Variants in RBPJ observed in about 807,000 individuals in gnomAD.
RBPJ encodes the protein recombination signal binding protein for immunoglobulin kappa J region.
A neutral mutation model predicts 67.8 loss-of-function variants in RBPJ; 9 were observed. The ratio of observed to expected loss-of-function variants is 0.13; its 90% confidence interval spans 0.08 to 0.23. The LOEUF (loss-of-function observed/expected upper bound fraction) is 0.23, where lower values mean the gene tolerates loss of function less well. Among genes scored for constraint, RBPJ ranks in the 10% least tolerant of loss-of-function variants. RBPJ has a pLI of 1.00. For missense variants in RBPJ, 305 were observed against 595.6 expected, an observed-to-expected ratio of 0.51 and a Z score of 5.08; for synonymous variants, 198 against 203.3, an observed-to-expected ratio of 0.97 and a Z score of 0.22.
intron 1 of RBPJ, among the ~76,000 whole-genome samples, chr4:26,339,021 A>G (rs1042211441): frequency 7.9e-5 from 12 of 151,254 alleles, no homozygotes; most frequent in African/African-American, 2.7e-4. Flanking sequence ...GGGTTTTGCC[A>G]TGTTGCCCAG....
the RBPJ span, among the ~76,000 whole-genome samples, chr4:26,153,988 G>T: frequency 1.3e-5 from 2 of 152,122 alleles, no homozygotes; most frequent in South Asian, 4.1e-4. Context: ...TGAGATTTCA[G>T]ATTTTTGGAT....
intron 1 of RBPJ, among the ~76,000 whole-genome samples, chr4:26,338,974 C>T (rs908884916): frequency 2.6e-5 from 4 of 151,894 alleles, no homozygotes; most frequent in Admixed American, 6.6e-5. Flanking sequence ...TGTGCGCCAC[C>T]ATGCCTGGCT....
chr4:26,155,824 G>T, the RBPJ span, among the ~76,000 whole-genome samples: 4 of 152,172 alleles, frequency 2.6e-5, no homozygotes, highest in Non-Finnish European at 5.9e-5. Flanking sequence ...TTCAGTGAAG[G>T]TACAGAGGAG....
rs768095519 is a variant in RBPJ at position 26,387,130 on chromosome 4, T to G, written c.59+739T>G. ...CATCTTCTACCTTGATATTTCCCCT[T>G]AATGGCTCCATGGTTTTTCATAGCT... is the stretch of plus-strand genomic sequence containing the variant. On this transcript the variant is annotated intron_variant, in intron 2 of 10. Coordinates refer to ENST00000355476, the MANE Select transcript of RBPJ (RefSeq NM_015874.6). Among the ~76,000 whole-genome samples the G allele has an allele frequency of 3.3e-5, 5 of 152,316 alleles. No individual in the cohort carries two copies. The South Asian group carries it at 8.3e-4, about 25-fold the overall frequency.
chr4:26,374,191 C>T (rs897614930), intron 1 of RBPJ, among the ~76,000 whole-genome samples: 6 of 152,110 alleles, frequency 3.9e-5, no homozygotes, highest in Admixed American at 1.3e-4. Context: ...CCACTCGCCT[C>T]GGCCTTCCAA....
At chr4:26,275,476 G>A (rs927475636) in intron 1 of RBPJ, among the ~76,000 whole-genome samples, 2 of 152,120 alleles carry the variant, frequency 1.3e-5, no homozygotes, top group African/African-American at 4.8e-5. Flanking sequence ...TACTAACACC[G>A]GAAAAAGAAA....
intron 2 of RBPJ, among the ~76,000 whole-genome samples, chr4:26,405,546 T>C (rs1733314093): frequency 6.6e-6 from 1 of 152,206 alleles, no homozygotes; most frequent in Non-Finnish European, 1.5e-5. Flanking sequence ...GAATTAACAT[T>C]GTATTTTTTT....
At chr4:26,376,719 G>T (rs899655560) in intron 1 of RBPJ, among the ~76,000 whole-genome samples, 3 of 152,148 alleles carry the variant, frequency 2.0e-5, no homozygotes, top group African/African-American at 7.2e-5. Context: ...TTCCATAGTG[G>T]CTGTACCATT....
At chr4:26,221,896 C>T (rs1168754509) in intron 1 of RBPJ, among the ~76,000 whole-genome samples, 2 of 152,162 alleles carry the variant, frequency 1.3e-5, no homozygotes, top group East Asian at 1.9e-4. Context: ...TCCCAATGTG[C>T]GGCCCAGCGC....
the RBPJ span, among the ~76,000 whole-genome samples, chr4:26,142,729 G>C: frequency 1.3e-5 from 2 of 152,142 alleles, no homozygotes; most frequent in East Asian, 3.9e-4. Context: ...AGAAAGAATA[G>C]GCATTCAAGA....
chr4:26,433,866 G>T lies in RBPJ; in HGVS notation c.*2859G>T, dbSNP rs1171545362. 6.6e-6 allele frequency: 1 copy of T among 152,136 alleles called. No individual in the cohort carries two copies. The highest frequency in any genetic ancestry group is 2.4e-5 in the African/African-American group (1 of 41,434). The allele number at this position is 152,136 out of a possible 1,614,324, so 9.4% of individuals were successfully genotyped here. On this transcript the variant is annotated 3_prime_UTR_variant, in exon 11 of 11. Transcript: ENST00000355476. ...AGTGATGGCATTATTAGACATGCTG[G>T]TCATTTACCCTCAGAAAGACTCTCT...
intron 1 of RBPJ, among the ~76,000 whole-genome samples, chr4:26,376,435 G>T (rs762105229): frequency 4.6e-5 from 7 of 152,170 alleles, no homozygotes; most frequent in Non-Finnish European, 8.8e-5. Flanking sequence ...GTTTATTCAT[G>T]TTGTGTTGTA....
chr4:26,199,962 G>C (rs1362403369), intron 1 of RBPJ, among the ~76,000 whole-genome samples: 1 of 152,204 alleles, frequency 6.6e-6, no homozygotes, highest in African/African-American at 2.4e-5. Flanking sequence ...TTGGGGAGCT[G>C]TGCCATGTGA....
At chr4:26,165,866 C>T (rs1329218467) in intron 1 of RBPJ, among the ~76,000 whole-genome samples, 2 of 125,444 alleles carry the variant, frequency 1.6e-5, no homozygotes, top group East Asian at 4.7e-4. Context: ...TCCCTCCCCC[C>T]TCCCCCCACC....
Position 26,217,697 on chromosome 4 carries a change from G to C in RBPJ, c.-167+54083G>C, listed in dbSNP as rs532476397. On this transcript the variant is annotated intron_variant, in intron 1 of 4. Coordinates refer to the RBPJ transcript ENST00000512351. ...AAGTGGGTGGAAATGCTGCCCAGTT[G>C]GAAAAAAACAACAAAAATGCAAACC... Among the ~76,000 whole-genome samples the C allele has an allele frequency of 7.9e-5, 12 of 152,018 alleles. 1 individual carries two copies. The South Asian group carries it at 2.3e-3, about 29-fold the overall frequency.
At chr4:26,252,281 T>A (rs371309807) in intron 1 of RBPJ, among the ~76,000 whole-genome samples, 76 of 151,952 alleles carry the variant, frequency 5.0e-4, no homozygotes, top group African/African-American at 1.8e-3. Context: ...TGCTAGTTTA[T>A]GTTTTATGTG....
upstream of RBPJ, chr4:26,319,750 A>G: frequency 1.0e-6 from 1 of 962,076 alleles, no homozygotes; most frequent in Non-Finnish European, 1.7e-6. Flanking sequence ...GGCCGCGCCA[A>G]TCCTGCAGCG....
chr4:26,197,146 G>A (rs2109148712), intron 1 of RBPJ, among the ~76,000 whole-genome samples: 1 of 152,282 alleles, frequency 6.6e-6, no homozygotes, highest in African/African-American at 2.4e-5. Flanking sequence ...GAGTATAGCT[G>A]GATCAAGTAA....
Position 26,422,401 on chromosome 4 carries a change from T to G in RBPJ, c.496+1676T>G, listed in dbSNP as rs988926802. Among the ~76,000 whole-genome samples, 8 of 152,206 alleles carry G rather than the reference T, an allele frequency of 5.3e-5. 1 individual carries two copies. Among genetic ancestry groups the G allele is most frequent in the Admixed American group, 2.6e-4 (4 of 15,282 alleles). ...TTTTAAATTCTAACTTCTGCATTCG[T>G]TAGCTGGAGTTTTTTCTACAAAGAG... On this transcript the variant is annotated intron_variant, in intron 5 of 10. Transcript: ENST00000355476.
Sources: allele counts gnomAD v4.1 joint callset (sites outside exome capture counted in the v4.1 genomes callset), GRCh38; gene constraint gnomAD v4.1.1; transcripts MANE v1.5; gene names NCBI Gene and HGNC (gene_info 2026-07-23, HGNC 2026-07-21).